Variants in DDX42 observed in about 807,000 individuals in gnomAD.
DDX42 encodes the protein DEAD-box helicase 42.
A neutral mutation model predicts 101.5 loss-of-function variants in DDX42; 22 were observed. That is an observed-to-expected ratio of 0.22 (90% confidence interval 0.15 to 0.31). DDX42 has a LOEUF of 0.31. Among genes scored for constraint, DDX42 ranks in the 10% least tolerant of loss-of-function variants. DDX42 has a pLI of 1.00. For synonymous variants in DDX42, 402 were observed against 401.2 expected, an observed-to-expected ratio of 1.00 and a Z score of -0.02; for missense variants, 849 against 1,199.9, an observed-to-expected ratio of 0.71 and a Z score of 4.32.
intron 15 of DDX42, among the ~76,000 whole-genome samples, chr17:63,814,424 A>G (rs1324490323): frequency 6.6e-6 from 1 of 152,262 alleles, no homozygotes; most frequent in Non-Finnish European, 1.5e-5. Context: ...TCCTAGGAGT[A>G]AAGGACCTGC....
At chr17:63,813,192 T>G (rs753835219) in intron 14 of DDX42, 36 bp from the exon 15 acceptor site, 1 of 1,550,238 alleles carries the variant, frequency 6.5e-7, no homozygotes, top group Admixed American at 1.8e-5. Flanking sequence ...TGACTACAGA[T>G]GAAGAATAAA....
intron 14 of DDX42, among the ~76,000 whole-genome samples, chr17:63,812,513 C>G (rs547819274): frequency 1.3e-5 from 2 of 152,198 alleles, no homozygotes; most frequent in Non-Finnish European, 2.9e-5. Flanking sequence ...CTTACCCTTA[C>G]ATTGATCTAC....
At chr17:63,802,049 G>C (rs559504366) in intron 6 of DDX42, among the ~76,000 whole-genome samples, 1 of 152,262 alleles carries the variant, frequency 6.6e-6, no homozygotes, top group East Asian at 1.9e-4. Flanking sequence ...GTTTTCCTTT[G>C]TTACTGCATC....
rs2039737835 is a variant in DDX42, at chr17:63,799,641, G to A, written c.471+16G>A. 5 of 1,610,112 alleles carry A rather than the reference G, an allele frequency of 3.1e-6. No individual in the cohort carries two copies. Among genetic ancestry groups the A allele is most frequent in the African/African-American group, 1.3e-5 (1 of 74,850 alleles). ...AGATGACCAAGTGAGTTCCTATGCA[G>A]TATTTCTATCTTTTATTTTTATCCA... On this transcript the variant is annotated intron_variant, in intron 5 of 17. Transcript: ENST00000389924.
chr17:63,788,480 G>A (rs1260898278), intron 2 of DDX42, among the ~76,000 whole-genome samples: 1 of 150,812 alleles, frequency 6.6e-6, no homozygotes, highest in East Asian at 2.0e-4. Flanking sequence ...CTAATTTTTT[G>A]TATTTTTAGT....
At chr17:63,800,384 TG>T (rs2039748017) in intron 5 of DDX42, 83 bp from the exon 6 acceptor site, 1 of 1,347,474 alleles carries the variant, frequency 7.4e-7, no homozygotes. Flanking sequence ...TGCAATTATC[TG>T]GTACACTATG....
chr17:63,816,726 C>T (rs1567747761), intron 16 of DDX42, 142 bp from the exon 17 acceptor site: 1 of 508,384 alleles, frequency 2.0e-6, no homozygotes, highest in African/African-American at 2.0e-5. Flanking sequence ...TGTGTCTTTT[C>T]TCACAAAGCA....
At position 63,817,810 on chromosome 17, in the gene DDX42, C is replaced by T. The variant is rs368279348; in HGVS notation, c.2229C>T (p.Asn743=). Residue 743 remains asparagine, a synonymous_variant, in exon 18 of 18, where the codon AAC becomes AAT. Transcript: ENST00000389924. ...SAGSLNSVPT[N]SAQQGHNSPD... ...GGAGCTTGAATTCTGTTCCAACTAA[C>T]TCAGCACAACAGGGCCATAACAGTC... The T allele has an allele frequency of 1.9e-6, 3 of 1,614,074 alleles. No individual in the cohort carries two copies. Among genetic ancestry groups the T allele is most frequent in the Non-Finnish European group, 2.5e-6 (3 of 1,180,042 alleles).
chr17:63,783,130 T>C (rs188341491), intron 1 of DDX42, among the ~76,000 whole-genome samples: 16 of 152,288 alleles, frequency 1.1e-4, no homozygotes, highest in Admixed American at 8.5e-4. Context: ...GGACCACCAG[T>C]GAATGCACTC....
At chr17:63,815,751 C>G (rs1157877382) in intron 16 of DDX42, 78 bp downstream of exon 16, 7 of 1,002,722 alleles carry the variant, frequency 7.0e-6, no homozygotes, top group Non-Finnish European at 1.0e-5. Context: ...TCTCATCTAC[C>G]CAGGAAAGCC....
At chr17:63,813,204 GA>G in intron 14 of DDX42, 23 bp from the exon 15 acceptor site, 2 of 1,571,466 alleles carry the variant, frequency 1.3e-6, no homozygotes, top group Middle Eastern at 1.7e-4. Flanking sequence ...AAGAATAAAA[GA>G]ATTTGGTTGC....
In DDX42 at chr17:63,805,156, G is replaced by A. The variant is rs775732484; in HGVS notation, c.707G>A (p.Arg236Gln). ...NLTPQQLIDL[R>Q]HKLNLRVSGA... ...ACTCCACAGCAGTTAATAGATCTCCGGCATAAGCTCAATCTTCGGGTAAGC... is the reference window on the plus strand; with the variant it reads ...ACTCCACAGCAGTTAATAGATCTCCAGCATAAGCTCAATCTTCGGGTAAGC... Residue 236 changes from arginine (R) to glutamine (Q), a missense_variant, in exon 7 of 18, where the codon CGG (arginine) becomes CAG (glutamine). Transcript: ENST00000389924. 8 of 1,612,562 alleles carry A rather than the reference G, an allele frequency of 5.0e-6. No homozygotes were observed. The highest frequency in any genetic ancestry group is 1.3e-5 in the African/African-American group (1 of 74,784).
chr17:63,778,523 C>T (rs2039448136), intron 1 of DDX42, among the ~76,000 whole-genome samples: 1 of 152,202 alleles, frequency 6.6e-6, no homozygotes, highest in East Asian at 1.9e-4. Flanking sequence ...CTGAGTATGG[C>T]TGCATCTGAT....
intron 1 of DDX42, among the ~76,000 whole-genome samples, chr17:63,777,359 G>GAAT (rs1336237434): frequency 1.3e-5 from 2 of 152,086 alleles, no homozygotes; most frequent in African/African-American, 4.8e-5. Flanking sequence ...AGAGAAAAGT[G>GAAT]AATAAGCCTG....
At position 63,792,449 on chromosome 17, in the gene DDX42, G is replaced by T. The variant is rs773014565; in HGVS notation, c.259G>T (p.Asp87Tyr). 3 of 1,613,218 alleles carry T rather than the reference G, an allele frequency of 1.9e-6. No individual in the cohort carries two copies. The highest frequency in any genetic ancestry group is 2.5e-6 in the Non-Finnish European group (3 of 1,179,644). ...EDEEEDSSNV[D>Y]LPYIPAENSP... is the part of the protein sequence containing the mutation. ...TGAGGAAGAAGATTCTAGCAACGTT[G>T]ATTTACCTTACATTCCTGCTGAAAA... The change falls in exon 3 of 18, where the codon GAT becomes TAT. Residue 87 changes from aspartate (D) to tyrosine (Y), a missense_variant. This residue lies in a region of DDX42 where 92 missense variants were observed against 106.7 expected (regional missense o/e 0.86). Transcript: ENST00000389924.
rs2039823046 is a variant in DDX42, at chr17:63,805,136, A to T, written c.687A>T (p.Pro229=). The change falls in exon 7 of 18, where the codon CCA becomes CCT. Residue 229 remains proline (P), a synonymous_variant. Transcript: ENST00000389924. ...ATGAAGAGATAACCAACCTCACTCC[A>T]CAGCAGTTAATAGATCTCCGGCATA... The part of the protein sequence containing the change: ...NEHEEITNLT[P]QQLIDLRHKL... The T allele has an allele frequency of 1.9e-6, 3 of 1,613,274 alleles. No individual in the cohort carries two copies. The African/African-American group carries it at 4.0e-5, about 22-fold the overall frequency.
At position 63,816,974 on chromosome 17, in the gene DDX42, A is replaced by G; in HGVS notation, c.2112+8A>G. 6.2e-7 allele frequency: 1 copy of G among 1,612,162 alleles called. No homozygotes were observed. The highest frequency in any genetic ancestry group is 8.5e-7 in the Non-Finnish European group (1 of 1,178,820). On this transcript the variant is annotated splice_region_variant and intron_variant, in intron 17 of 17. Transcript: ENST00000389924. ...ATGAAAGCAGCTTTCCAGGTCTGAA[A>G]TAAGCATTTCATTAAAAGCACTTTC...
At chr17:63,787,774 C>CA (rs1437136332) in intron 2 of DDX42, among the ~76,000 whole-genome samples, 1 of 151,972 alleles carries the variant, frequency 6.6e-6, no homozygotes, top group African/African-American at 2.4e-5. Flanking sequence ...CCGGGAGGCA[C>CA]AGGTTGCAGT....
chr17:63,775,270 G>T (rs1489795149), intron 1 of DDX42: 1 of 152,618 alleles, frequency 6.6e-6, no homozygotes, highest in African/African-American at 2.4e-5. Context: ...AAGAAGCATT[G>T]TGTAGCCTAA....
Sources: allele counts gnomAD v4.1 joint callset (sites outside exome capture counted in the v4.1 genomes callset), GRCh38; gene constraint gnomAD v4.1.1; regional missense constraint gnomAD v4.1.1; transcripts MANE v1.5; gene names NCBI Gene and HGNC (gene_info 2026-07-23, HGNC 2026-07-21).